Variants in PPP2R2B observed in about 807,000 individuals in gnomAD.
PPP2R2B encodes the protein serine/threonine-protein phosphatase 2A 55 kDa regulatory subunit B beta isoform.
PPP2R2B carries 5 observed loss-of-function variants against 46.0 expected under a neutral mutation model. The ratio of observed to expected loss-of-function variants is 0.11; its 90% confidence interval spans 0.06 to 0.23. The LOEUF (loss-of-function observed/expected upper bound fraction) is 0.23, where lower values mean the gene tolerates loss of function less well. Ranked by LOEUF, PPP2R2B falls within the 10% of genes least tolerant of loss-of-function variation. PPP2R2B has a pLI of 1.00. For synonymous variants in PPP2R2B, 215 were observed against 206.7 expected (o/e 1.04, Z -0.34); for missense variants, 367 against 575.0 (o/e 0.64, Z 3.70).
intron 1 of PPP2R2B, among the ~76,000 whole-genome samples, chr5:146,990,551 T>C (rs764799364): frequency 6.6e-6 from 1 of 152,062 alleles, no homozygotes; most frequent in Non-Finnish European, 1.5e-5. Context: ...TATTTTTCAC[T>C]ATAAACAAAA....
chr5:146,890,485 C>G (rs955816764), intron 1 of PPP2R2B, among the ~76,000 whole-genome samples: 7 of 152,180 alleles, frequency 4.6e-5, no homozygotes, highest in African/African-American at 1.7e-4. Context: ...ACGTGGTAAA[C>G]TTAGTTCATC....
intron 5 of PPP2R2B, among the ~76,000 whole-genome samples, chr5:146,655,367 C>A (rs916136043): frequency 1.3e-5 from 2 of 152,234 alleles, no homozygotes; most frequent in Admixed American, 6.5e-5. Flanking sequence ...ACGGCTTCCC[C>A]GCTCACTTCA....
chr5:147,018,976 A>G (rs1755133968), intron 1 of PPP2R2B, among the ~76,000 whole-genome samples: 1 of 152,206 alleles, frequency 6.6e-6, no homozygotes, highest in South Asian at 2.1e-4. Context: ...CTTGCTTTGT[A>G]TAGTTCAGCC....
chr5:146,739,561 C>T (rs923703526), intron 2 of PPP2R2B, among the ~76,000 whole-genome samples: 4 of 152,080 alleles, frequency 2.6e-5, no homozygotes, highest in African/African-American at 9.7e-5. Flanking sequence ...AAAGGAAGGA[C>T]ACATGTTCAG....
At chr5:147,017,811 A>G (rs1275409523) in intron 1 of PPP2R2B, among the ~76,000 whole-genome samples, 1 of 152,116 alleles carries the variant, frequency 6.6e-6, no homozygotes. Flanking sequence ...GGAAAAGATG[A>G]TGTCATGTAA....
intron 2 of PPP2R2B, among the ~76,000 whole-genome samples, chr5:146,860,881 G>A (rs1234688201): frequency 6.6e-6 from 1 of 151,796 alleles, no homozygotes; most frequent in African/African-American, 2.4e-5. Flanking sequence ...CTTTCTTGTC[G>A]CAGCCAAGAC....
chr5:146,714,428 T>C (rs1780377478), intron 2 of PPP2R2B, among the ~76,000 whole-genome samples: 1 of 151,976 alleles, frequency 6.6e-6, no homozygotes, highest in Admixed American at 6.6e-5. Context: ...GTAAGGAAAG[T>C]GGGATCAAGA....
At chr5:146,789,695 G>A (rs1756069096) in intron 2 of PPP2R2B, among the ~76,000 whole-genome samples, 1 of 151,994 alleles carries the variant, frequency 6.6e-6, no homozygotes, top group Non-Finnish European at 1.5e-5. Flanking sequence ...GGCTCTGAAG[G>A]GAATAAAGAG....
intron 1 of PPP2R2B, among the ~76,000 whole-genome samples, chr5:146,935,959 C>T (rs974732590): frequency 6.6e-6 from 1 of 152,086 alleles, no homozygotes; most frequent in Non-Finnish European, 1.5e-5. Context: ...GGGGAATATA[C>T]CTACTTCCTA....
At chr5:146,741,259 C>T (rs2151220721) in intron 2 of PPP2R2B, among the ~76,000 whole-genome samples, 1 of 152,226 alleles carries the variant, frequency 6.6e-6, no homozygotes. Flanking sequence ...ACATATGTGC[C>T]TTGGACACTA....
intron 2 of PPP2R2B, among the ~76,000 whole-genome samples, chr5:146,725,953 C>T (rs1751837961): frequency 6.6e-6 from 1 of 152,170 alleles, no homozygotes; most frequent in African/African-American, 2.4e-5. Flanking sequence ...CTCTGAGGCA[C>T]TGAGGATTTT....
rs1437409308 is a variant in PPP2R2B at position 146,587,655 on chromosome 5, C to A, written c.*2292G>T. 2 of 152,128 alleles carry A rather than the reference C, an allele frequency of 1.3e-5. No homozygotes were observed. Among genetic ancestry groups the A allele is most frequent in the Admixed American group, 6.5e-5 (1 of 15,280 alleles). The allele number at this position is 152,128 out of a possible 1,614,324, so 9.4% of individuals were successfully genotyped here. ...CTGTCATATCAGTTACTCAGGGTCC[C>A]AAAGTTTGATACACATGCTCCTGGT... On this transcript the variant is annotated 3_prime_UTR_variant, in exon 10 of 10. Transcript: ENST00000394411.
intron 1 of PPP2R2B, among the ~76,000 whole-genome samples, chr5:146,970,141 T>G (rs188828979): frequency 6.6e-6 from 1 of 152,292 alleles, no homozygotes; most frequent in Admixed American, 6.5e-5. Flanking sequence ...GTATACTTAT[T>G]ATTCCCATTT....
chr5:146,918,659 G>A (rs530626835), intron 1 of PPP2R2B, among the ~76,000 whole-genome samples: 2 of 152,092 alleles, frequency 1.3e-5, no homozygotes, highest in South Asian at 2.1e-4. Context: ...TTTCTGGATG[G>A]GTCTGGTCTC....
At chr5:146,799,535 C>G (rs1040767281) in intron 2 of PPP2R2B, among the ~76,000 whole-genome samples, 6 of 152,176 alleles carry the variant, frequency 3.9e-5, no homozygotes, top group African/African-American at 7.2e-5. Flanking sequence ...TGGTGCCAAT[C>G]TAGCCTGAGA....
At chr5:146,909,014 G>A (rs969862693) in intron 1 of PPP2R2B, among the ~76,000 whole-genome samples, 4 of 152,154 alleles carry the variant, frequency 2.6e-5, no homozygotes, top group African/African-American at 9.7e-5. Context: ...ATCAGCTCCT[G>A]GAGGCAGCCA....
At chr5:146,829,956 G>A (rs1277989655) in intron 2 of PPP2R2B, among the ~76,000 whole-genome samples, 3 of 152,154 alleles carry the variant, frequency 2.0e-5, no homozygotes, top group Non-Finnish European at 4.4e-5. Flanking sequence ...AAGTTGGTAA[G>A]CCTGTATTTT....
chr5:146,711,680 G>A (rs192537654), intron 2 of PPP2R2B, among the ~76,000 whole-genome samples: 18 of 152,228 alleles, frequency 1.2e-4, no homozygotes, highest in Admixed American at 4.6e-4. Context: ...GAAAGGACTC[G>A]ATTTAATGAA....
At chr5:146,769,955 A>G (rs1754736830) in intron 2 of PPP2R2B, among the ~76,000 whole-genome samples, 1 of 152,196 alleles carries the variant, frequency 6.6e-6, no homozygotes, top group African/African-American at 2.4e-5. Flanking sequence ...CCAGGGATGC[A>G]TACACAGATT....
Sources: gnomAD v4.1 joint callset for allele counts (sites outside exome capture counted in the v4.1 genomes callset) on GRCh38, gnomAD v4.1.1 for gene constraint, MANE v1.5 for transcripts, NCBI Gene and HGNC (gene_info 2026-07-23, HGNC 2026-07-21) for gene names.